The following COL4A5 variants were observed in gnomAD, a reference collection of about 807,000 sequenced individuals.
The protein encoded by COL4A5 is collagen type IV alpha 5 chain.
Under a neutral mutation model 130.2 loss-of-function variants are expected in COL4A5, and 26 were observed. That is an observed-to-expected ratio of 0.20 (90% confidence interval 0.15 to 0.28). COL4A5 has a LOEUF of 0.28. COL4A5 is among the 10% of genes least tolerant of loss of function. The pLI is 1.00. For synonymous variants in COL4A5, 496 were observed against 439.6 expected (o/e 1.13, Z -1.60); for missense variants, 1,131 against 1,344.3 (o/e 0.84, Z 2.48).
At chrX:108,479,993 C>T (rs1231708806) in intron 1 of COL4A5, among the ~76,000 whole-genome samples, 1 of 111,754 alleles carries the variant, frequency 8.9e-6, no homozygotes, top group Non-Finnish European at 1.9e-5. Flanking sequence ...CAAACAGCAT[C>T]CCTATCTGCC....
At chrX:108,480,754 A>T (rs2064881003) in intron 1 of COL4A5, among the ~76,000 whole-genome samples, 1 of 112,848 alleles carries the variant, frequency 8.9e-6, no homozygotes, top group Non-Finnish European at 1.9e-5. Flanking sequence ...TAAGCTTACC[A>T]TAATCCACTG....
intron 4 of COL4A5, among the ~76,000 whole-genome samples, chrX:108,565,306 G>C (rs183350381): frequency 1.8e-5 from 2 of 111,683 alleles, no homozygotes; most frequent in African/African-American, 6.5e-5. Flanking sequence ...GTATACAAAT[G>C]TACAGAGCAT....
At chrX:108,536,073 G>A (rs762984604) in intron 1 of COL4A5, among the ~76,000 whole-genome samples, 5 of 111,163 alleles carry the variant, frequency 4.5e-5, no homozygotes, top group Non-Finnish European at 9.5e-5. Context: ...TTTTTGTGAG[G>A]TTCTTTAGGT....
At chrX:108,465,866 G>A (rs756016994) in intron 1 of COL4A5, among the ~76,000 whole-genome samples, 165 of 110,908 alleles carry the variant, frequency 1.5e-3, no homozygotes, top group Admixed American at 1.9e-3. Context: ...GTGACATTTC[G>A]TATATTCATC....
chrX:108,598,998 C>T, intron 25 of COL4A5, 128 bp downstream of exon 25: 1 of 618,056 alleles, frequency 1.6e-6, no homozygotes, highest in Non-Finnish European at 2.6e-6. Flanking sequence ...CTCTTCAGAG[C>T]ATCTTAGCAA....
chrX:108,452,643 T>C (rs1198098483), intron 1 of COL4A5, among the ~76,000 whole-genome samples: 1 of 111,925 alleles, frequency 8.9e-6, no homozygotes, highest in Non-Finnish European at 1.9e-5. Flanking sequence ...TATTGGTGCA[T>C]AAGAATGCTT....
chrX:108,609,980 A>C (rs903830822), intron 29 of COL4A5, among the ~76,000 whole-genome samples: 83 of 110,358 alleles, frequency 7.5e-4, no homozygotes, highest in African/African-American at 2.0e-3. Context: ...AAAAAAAAAA[A>C]AAACACATTT....
At chrX:108,490,628 G>A (rs1014533218) in intron 1 of COL4A5, among the ~76,000 whole-genome samples, 2 of 111,554 alleles carry the variant, frequency 1.8e-5, no homozygotes, top group East Asian at 2.8e-4. Context: ...TTTTTAATGA[G>A]TATTTTTATG....
At chrX:108,679,620 T>C (rs1281444297) in intron 44 of COL4A5, among the ~76,000 whole-genome samples, 1 of 111,345 alleles carries the variant, frequency 9.0e-6, no homozygotes, top group Non-Finnish European at 1.9e-5. Flanking sequence ...GCTCCAGGCT[T>C]GTTCCTCTTT....
intron 29 of COL4A5, among the ~76,000 whole-genome samples, chrX:108,612,337 G>A (rs1446457295): frequency 9.0e-6 from 1 of 110,901 alleles, no homozygotes; most frequent in African/African-American, 3.3e-5. Context: ...AGGGCATACA[G>A]ATTGGAAAGG....
intron 1 of COL4A5, among the ~76,000 whole-genome samples, chrX:108,534,578 C>G (rs1289478609): frequency 9.0e-6 from 1 of 110,838 alleles, no homozygotes; most frequent in Non-Finnish European, 1.9e-5. Context: ...AGAACAGAGA[C>G]TGGGAAGGGT....
intron 37 of COL4A5, 100 bp downstream of exon 37, chrX:108,655,557 C>T: frequency 1.0e-6 from 1 of 970,305 alleles, no homozygotes; most frequent in South Asian, 2.0e-5. Context: ...TATTTTATTT[C>T]CCAATCAGAT....
intron 2 of COL4A5, among the ~76,000 whole-genome samples, chrX:108,547,042 C>A (rs1296185926): frequency 8.9e-6 from 1 of 111,764 alleles, no homozygotes; most frequent in Admixed American, 9.5e-5. Flanking sequence ...AACTTGTTTG[C>A]ATTGGGTTCG....
At chrX:108,567,378 G>A (rs1400220364) in intron 4 of COL4A5, among the ~76,000 whole-genome samples, 1 of 111,530 alleles carries the variant, frequency 9.0e-6, no homozygotes, top group Non-Finnish European at 1.9e-5. Flanking sequence ...ACATCTACGT[G>A]GTTTTATAAG....
chrX:108,612,884 T>C (rs2066861146), intron 29 of COL4A5, among the ~76,000 whole-genome samples: 1 of 112,152 alleles, frequency 8.9e-6, no homozygotes, highest in Non-Finnish European at 1.9e-5. Flanking sequence ...GCTACAATAG[T>C]TAAAATAGTG....
intron 21 of COL4A5, among the ~76,000 whole-genome samples, chrX:108,594,411 G>A (rs1277040272): frequency 1.8e-5 from 2 of 111,337 alleles, no homozygotes; most frequent in Non-Finnish European, 3.8e-5. Context: ...TGCCTTTAGA[G>A]GCTATTAACA....
chrX:108,580,634 G>T, intron 14 of COL4A5, 48 bp downstream of exon 14: 1 of 1,194,896 alleles, frequency 8.4e-7, no homozygotes, highest in Non-Finnish European at 1.1e-6. Flanking sequence ...ATTGGTATTG[G>T]TACACAGTAT....
At chrX:108,644,919 CAAAAA>C (rs778790757) in intron 36 of COL4A5, among the ~76,000 whole-genome samples, 1 of 47,539 alleles carries the variant, frequency 2.1e-5, no homozygotes, top group African/African-American at 5.5e-5. Context: ...ACAACAACAA[CAAAAA>C]AAAAAAAAAA....
At chrX:108,485,584 G>T (rs1569476549) in intron 1 of COL4A5, among the ~76,000 whole-genome samples, 2 of 110,378 alleles carry the variant, frequency 1.8e-5, no homozygotes, top group Admixed American at 1.9e-4. Flanking sequence ...CTGGCCTGGG[G>T]TGTGTCTGGA....
Sources: gnomAD v4.1 joint callset for allele counts (sites outside exome capture counted in the v4.1 genomes callset) on GRCh38, gnomAD v4.1.1 for gene constraint, MANE v1.5 for transcripts, NCBI Gene and HGNC (gene_info 2026-07-23, HGNC 2026-07-21) for gene names.